The following STAG1 variants were observed in gnomAD, a reference collection of about 807,000 sequenced individuals.
STAG1 encodes cohesin subunit SA-1.
A neutral mutation model predicts 170.9 loss-of-function variants in STAG1; 26 were observed. That is an observed-to-expected ratio of 0.15 (90% CI 0.11 to 0.21). The LOEUF (loss-of-function observed/expected upper bound fraction) is 0.21, where lower values mean the gene tolerates loss of function less well. Ranked by LOEUF, STAG1 falls within the 10% of genes least tolerant of loss-of-function variation. STAG1 has a pLI of 1.00. For missense variants in STAG1, 964 were observed against 1,509.5 expected (o/e 0.64, Z 5.99); for synonymous variants, 514 against 497.7 (o/e 1.03, Z -0.44).
rs150671580 is a variant in STAG1, at chr3:136,588,314, G to T, written c.297+15995C>A. On this transcript the variant is annotated intron_variant, in intron 4 of 33. Coordinates refer to ENST00000383202, the MANE Select transcript of STAG1 (RefSeq NM_005862.3). ...CTGCTATATTTGACTGGTTTTTTGG[G>T]TTTTTTCTGTTGTTGTTTTTGGGCT... Among the ~76,000 whole-genome samples, 23 of 152,086 alleles carry T rather than the reference G, an allele frequency of 1.5e-4. No individual in the cohort carries two copies. In the East Asian group the frequency reaches 2.9e-3, roughly 19 times the overall value.
At chr3:136,607,320 C>T (rs1168069570) in intron 3 of STAG1, among the ~76,000 whole-genome samples, 2 of 152,106 alleles carry the variant, frequency 1.3e-5, no homozygotes, top group Non-Finnish European at 2.9e-5. Context: ...CTATTCTCAA[C>T]CATTTATTTA....
chr3:136,560,940 T>C (rs1936814519), intron 5 of STAG1, among the ~76,000 whole-genome samples: 1 of 152,030 alleles, frequency 6.6e-6, no homozygotes, highest in East Asian at 1.9e-4. Flanking sequence ...ACGGGGCGAA[T>C]TGTGATTTTT....
chr3:136,602,381 CAAAA>C (rs397819185), intron 4 of STAG1, among the ~76,000 whole-genome samples: 2 of 81,716 alleles, frequency 2.4e-5, no homozygotes, highest in African/African-American at 1.0e-4. Context: ...CCATCTCAAA[CAAAA>C]AAAAAAAAAA....
At position 136,553,983 on chromosome 3, in the gene STAG1, C is replaced by T. The variant is rs1447911294; in HGVS notation, c.395-11788G>A. On this transcript the variant is annotated intron_variant, in intron 5 of 33. Coordinates refer to ENST00000383202, the MANE Select transcript of STAG1 (RefSeq NM_005862.3). ...AAAGACAGACTGAATTAAAAAAATA[C>T]GATCCAGCTGTAAGTTGTAACAAGC... 7.9e-5 allele frequency among the ~76,000 whole-genome samples: 12 copies of T among 151,760 alleles called. 1 individual carries two copies. The South Asian group carries it at 2.3e-3, about 29-fold the overall frequency.
At chr3:136,472,523 C>G (rs369749667) in intron 11 of STAG1, 31 bp from the exon 12 acceptor site, 3 of 1,497,436 alleles carry the variant, frequency 2.0e-6, no homozygotes, top group African/African-American at 2.8e-5. Flanking sequence ...AACAAACCAA[C>G]TATGAACAGA....
intron 22 of STAG1, among the ~76,000 whole-genome samples, chr3:136,391,164 T>C (rs711973): frequency 4.3e-4 from 65 of 152,180 alleles, no homozygotes; most frequent in Non-Finnish European, 8.2e-4. Context: ...GGATTTGAAA[T>C]AGGGTGAGGG....
intron 1 of STAG1, among the ~76,000 whole-genome samples, chr3:136,709,326 C>T (rs923452110): frequency 6.6e-6 from 1 of 151,680 alleles, no homozygotes; most frequent in African/African-American, 2.4e-5. Context: ...CATTATGTTG[C>T]CCAGGCTGCC....
At chr3:136,547,311 T>A (rs1194963224) in intron 5 of STAG1, among the ~76,000 whole-genome samples, 1 of 152,198 alleles carries the variant, frequency 6.6e-6, no homozygotes, top group Non-Finnish European at 1.5e-5. Context: ...CCATACTTTA[T>A]GCAGACTTCC....
At chr3:136,541,803 A>G (rs1369913885) in intron 6 of STAG1, among the ~76,000 whole-genome samples, 3 of 152,150 alleles carry the variant, frequency 2.0e-5, no homozygotes, top group African/African-American at 7.2e-5. Context: ...AGCATTCCAC[A>G]AACAGAAAAC....
At chr3:136,536,082 T>C (rs1397229189) in intron 6 of STAG1, among the ~76,000 whole-genome samples, 2 of 152,216 alleles carry the variant, frequency 1.3e-5, no homozygotes, top group East Asian at 3.9e-4. Flanking sequence ...ATCCAGATAG[T>C]ATTTCATCTA....
intron 29 of STAG1, among the ~76,000 whole-genome samples, chr3:136,348,526 G>A (rs1410396706): frequency 2.0e-5 from 3 of 151,928 alleles, no homozygotes; most frequent in East Asian, 1.9e-4. Context: ...CTCCCACCTC[G>A]GCTTCCCAAG....
chr3:136,618,870 A>AAT (rs528285479), intron 3 of STAG1, among the ~76,000 whole-genome samples: 282 of 152,306 alleles, frequency 1.9e-3, no homozygotes, highest in East Asian at 5.0e-3. Flanking sequence ...AACTATTAGA[A>AAT]ATAAAGTGCT....
chr3:136,401,917 G>C (rs1370829130), intron 21 of STAG1, among the ~76,000 whole-genome samples: 1 of 151,984 alleles, frequency 6.6e-6, no homozygotes, highest in Non-Finnish European at 1.5e-5. Context: ...ACTAATTTTT[G>C]TATTTTTGGT....
chr3:136,751,775 C>T (rs1468448077), intron 1 of STAG1, among the ~76,000 whole-genome samples: 1 of 151,096 alleles, frequency 6.6e-6, no homozygotes, highest in South Asian at 2.1e-4. Flanking sequence ...CGGCCCGGCC[C>T]CGCTGGGCGC....
intron 13 of STAG1, among the ~76,000 whole-genome samples, chr3:136,452,706 C>T (rs1386763546): frequency 6.6e-6 from 1 of 152,080 alleles, no homozygotes; most frequent in Non-Finnish European, 1.5e-5. Flanking sequence ...TTACAATGAA[C>T]AATCAATGTT....
chr3:136,712,185 T>C (rs887699166), intron 1 of STAG1, among the ~76,000 whole-genome samples: 4 of 152,138 alleles, frequency 2.6e-5, no homozygotes, highest in Non-Finnish European at 5.9e-5. Flanking sequence ...ACCCAGCTAA[T>C]TTTTTGTATT....
At chr3:136,376,016 CAAAAT>C (rs71157376) in intron 23 of STAG1, among the ~76,000 whole-genome samples, 118 of 115,540 alleles carry the variant, frequency 1.0e-3, no homozygotes, top group Middle Eastern at 8.5e-3. Context: ...AAATAATTAA[CAAAAT>C]AAAATAAAAT....
chr3:136,443,199 C>T (rs2088682676), intron 15 of STAG1, 88 bp downstream of exon 15: 3 of 824,870 alleles, frequency 3.6e-6, no homozygotes, highest in South Asian at 4.3e-5. Context: ...CTTATATATG[C>T]TCATTTTTAA....
chr3:136,617,169 A>G (rs577157392), intron 3 of STAG1, among the ~76,000 whole-genome samples: 2 of 152,300 alleles, frequency 1.3e-5, no homozygotes, highest in South Asian at 4.1e-4. Flanking sequence ...CAACTCTGCA[A>G]TTGGTTTGTC....
Sources: gnomAD v4.1 joint callset for allele counts (sites outside exome capture counted in the v4.1 genomes callset) on GRCh38, gnomAD v4.1.1 for gene constraint, MANE v1.5 for transcripts, NCBI Gene and HGNC (gene_info 2026-07-23, HGNC 2026-07-21) for gene names.